The following FOXA3 variants were observed in gnomAD, a reference collection of about 807,000 sequenced individuals.
The protein encoded by FOXA3 is forkhead box A3.
FOXA3 carries 11 observed loss-of-function variants against 16.9 expected under a neutral mutation model. The ratio of observed to expected loss-of-function variants is 0.65; its 90% CI spans 0.41 to 1.08. FOXA3 has a LOEUF of 1.08. Among genes scored for constraint, FOXA3 ranks in the 50% least tolerant of loss-of-function variants. FOXA3 has a pLI of 0.00. For missense variants in FOXA3, 423 were observed against 470.1 expected (o/e 0.90, Z 0.93); for synonymous variants, 217 against 203.3 (o/e 1.07, Z -0.57).
chr19:45,868,035 G>T (rs575828915), intron 1 of FOXA3, among the ~76,000 whole-genome samples: 6 of 151,982 alleles, frequency 3.9e-5, no homozygotes, highest in African/African-American at 1.4e-4. Flanking sequence ...AAACAATGCG[G>T]GGGTGGGGAG....
intron 1 of FOXA3, among the ~76,000 whole-genome samples, chr19:45,870,231 A>G (rs1275857621): frequency 7.0e-6 from 1 of 143,776 alleles, no homozygotes; most frequent in Non-Finnish European, 1.5e-5. Flanking sequence ...GTGCAGTGGC[A>G]TGATCTCAGC....
chr19:45,871,521 T>TCAAGACCAGCCCGGCCAA (rs1383642843), intron 1 of FOXA3, among the ~76,000 whole-genome samples: 3 of 142,792 alleles, frequency 2.1e-5, no homozygotes, highest in Non-Finnish European at 4.5e-5. Context: ...GGTCAGGAGT[T>TCAAGACCAGCCCGGCCAA]CAAGACCAGC....
intron 1 of FOXA3, among the ~76,000 whole-genome samples, chr19:45,868,987 G>A (rs1972110165): frequency 2.0e-5 from 3 of 152,120 alleles, no homozygotes; most frequent in African/African-American, 7.2e-5. Context: ...GGAGGCAGTG[G>A]CACGATCTTG....
rs2146362772 is a variant in FOXA3 at position 45,872,063 on chromosome 19, T to A, written c.70-12T>A. 6.2e-7 allele frequency: 1 copy of A among 1,611,682 alleles called. No individual in the cohort carries two copies. The highest frequency in any genetic ancestry group is 1.3e-5 in the African/African-American group (1 of 74,922). On this transcript the variant is annotated splice_polypyrimidine_tract_variant and intron_variant, in intron 1 of 1. Coordinates refer to ENST00000302177, the MANE Select transcript of FOXA3 (RefSeq NM_004497.3). The surrounding 1 kb of genome is among the most constrained non-coding windows in gnomAD (Gnocchi z 4.5). ...GGAGCCCCACTGACCCCTCCTTTCA[T>A]CTTTCCCCTAGGTCTACTCGCCGGT...
intron 1 of FOXA3, among the ~76,000 whole-genome samples, chr19:45,866,813 G>A (rs1370332337): frequency 6.6e-6 from 1 of 152,190 alleles, no homozygotes; most frequent in South Asian, 2.1e-4. Context: ...AGCCCCGCAC[G>A]CAGAACACTG....
At chr19:45,867,686 A>G (rs894205775) in intron 1 of FOXA3, among the ~76,000 whole-genome samples, 1 of 148,100 alleles carries the variant, frequency 6.8e-6, no homozygotes, top group Non-Finnish European at 1.5e-5. Context: ...AGGCTGAGAC[A>G]GGAGAATTGC....
chr19:45,872,383 C>G lies in FOXA3; in HGVS notation c.378C>G (p.Ile126Met), dbSNP rs1369578379. The G allele has an allele frequency of 1.2e-6, 2 of 1,614,130 alleles. No homozygotes were observed. Among genetic ancestry groups the G allele is most frequent in the African/African-American group, 2.7e-5 (2 of 74,938 alleles). ...AKPPYSYISL[I>M]TMAIQQAPGK... ...CACCGTATTCCTATATCTCACTCAT[C>G]ACCATGGCCATCCAGCAGGCGCCGG... Residue 126 changes from isoleucine to methionine, a missense_variant, in exon 2 of 2, where the codon ATC (isoleucine) becomes ATG (methionine). This residue lies in a region of FOXA3 where 85 missense variants were observed against 136.9 expected (regional missense o/e 0.62). Coordinates refer to ENST00000302177, the MANE Select transcript of FOXA3 (RefSeq NM_004497.3). The surrounding 1 kb of genome is among the most constrained non-coding windows in gnomAD (Gnocchi z 4.5).
rs1197667733 is a variant in FOXA3, at chr19:45,872,220, C to A, written c.215C>A (p.Ala72Asp). The A allele has an allele frequency of 6.2e-7, 1 of 1,602,720 alleles. No individual in the cohort carries two copies. The highest frequency in any genetic ancestry group is 1.1e-5 in the South Asian group (1 of 90,028). The change falls in exon 2 of 2, where the codon GCC (alanine) becomes GAC (aspartate). Residue 72 changes from alanine (A) to aspartate (D), a missense_variant. Physicochemically the swap from Ala to Asp is moderately radical, Grantham distance 126 (BLOSUM62 -2). Transcript: ENST00000302177. This position sits in a 1 kb window ranked among gnomAD's most constrained non-coding sequence, Gnocchi z 4.5. ...SGPLAPPAPA[A>D]PLGPTFPGLG... ...CCCCTGGCACCCCCAGCACCTGCAG[C>A]CCCCCTGGGGCCCACTTTCCCAGGC...
At chr19:45,867,173 C>G (rs1972091896) in intron 1 of FOXA3, among the ~76,000 whole-genome samples, 1 of 152,084 alleles carries the variant, frequency 6.6e-6, no homozygotes, top group African/African-American at 2.4e-5. Flanking sequence ...GTCTGTCTTA[C>G]TCTGCAATAC....
chr19:45,864,441 G>A lies in FOXA3; in HGVS notation c.-16G>A. The A allele has an allele frequency of 1.4e-6, 2 of 1,436,160 alleles. No individual in the cohort carries two copies. The highest frequency in any genetic ancestry group is 1.4e-5 in the South Asian group (1 of 69,506). The allele number at this position is 1,436,160 out of a possible 1,614,324, so 89.0% of individuals were successfully genotyped here. The stretch of plus-strand genomic sequence containing the variant: ...CGGGGCCGGAGCGGGGGCGGGTGGG[G>A]GCGTAAGCCCGGGGGATGCTGGGCT... On this transcript the variant is annotated 5_prime_UTR_variant, in exon 1 of 2. Coordinates refer to ENST00000302177, the MANE Select transcript of FOXA3 (RefSeq NM_004497.3).
At position 45,872,251 on chromosome 19, in the gene FOXA3, T is replaced by C. The variant is rs922948791; in HGVS notation, c.246T>C (p.Gly82=). The C allele has an allele frequency of 1.2e-6, 2 of 1,609,502 alleles. No homozygotes were observed. The highest frequency in any genetic ancestry group is 1.7e-4 in the Middle Eastern group (1 of 6,028). The change falls in exon 2 of 2, where the codon GGT becomes GGC. Residue 82 remains glycine, a synonymous_variant. Transcript: ENST00000302177. The surrounding 1 kb of genome is among the most constrained non-coding windows in gnomAD (Gnocchi z 4.5). The part of the protein sequence containing the change: ...APLGPTFPGL[G]VSGGSSSSGY... ...TGGGGCCCACTTTCCCAGGCCTGGG[T>C]GTCAGCGGTGGCAGCAGCAGCTCCG...
rs1444890389 is a variant in FOXA3 at position 45,872,639 on chromosome 19, C to T, written c.634C>T (p.Arg212Cys). 2.5e-6 allele frequency: 4 copies of T among 1,613,810 alleles called. No homozygotes were observed. The highest frequency in any genetic ancestry group is 2.2e-5 in the East Asian group (1 of 44,890). Reference protein sequence around the residue: ...ENGCYLRRQKRFKLEEKVKKG... With the variant: ...ENGCYLRRQKCFKLEEKVKKG... ...TGGCTGCTACCTGCGCCGCCAGAAA[C>T]GCTTCAAGCTGGAGGAGAAGGTGAA... The change falls in exon 2 of 2, where the codon CGC becomes TGC. Residue 212 changes from arginine (R) to cysteine (C), a missense_variant. Coordinates refer to ENST00000302177, the MANE Select transcript of FOXA3 (RefSeq NM_004497.3). This position sits in a 1 kb window ranked among gnomAD's most constrained non-coding sequence, Gnocchi z 4.5.
rs1405157152 is a variant in FOXA3, at chr19:45,864,400, G to A, written c.-57G>A. 1 of 1,328,406 alleles carries A rather than the reference G, an allele frequency of 7.5e-7. No individual in the cohort carries two copies. Among genetic ancestry groups the A allele is most frequent in the Admixed American group, 3.2e-5 (1 of 31,650 alleles). 82.3% of individuals were successfully genotyped at this position (1,328,406 alleles called of 1,614,324 possible). On this transcript the variant is annotated 5_prime_UTR_variant, in exon 1 of 2. Coordinates refer to ENST00000302177, the MANE Select transcript of FOXA3 (RefSeq NM_004497.3). Reference sequence around the variant, plus strand: ...CGGGCCGTGCCCGCTGAGAGATCCAGAGCGCTCCGTTCCCCCGGGGCCGGA... The same window carrying A: ...CGGGCCGTGCCCGCTGAGAGATCCAAAGCGCTCCGTTCCCCCGGGGCCGGA...
intron 1 of FOXA3, among the ~76,000 whole-genome samples, chr19:45,868,903 G>A (rs944306108): frequency 6.6e-6 from 1 of 152,158 alleles, no homozygotes. Flanking sequence ...ATTTCTGTCT[G>A]TCTTAGTCAC....
Position 45,872,410 on chromosome 19 carries a change from C to A in FOXA3, c.405C>A (p.Gly135=). Residue 135 remains glycine (G), a synonymous_variant, in exon 2 of 2, where the codon GGC becomes GGA. Transcript: ENST00000302177. The surrounding 1 kb of genome is among the most constrained non-coding windows in gnomAD (Gnocchi z 4.5). ...CCATGGCCATCCAGCAGGCGCCGGG[C>A]AAGATGCTGACCTTGAGTGAAATCT... ...LITMAIQQAP[G]KMLTLSEIYQ... The A allele has an allele frequency of 6.2e-7, 1 of 1,614,220 alleles. No individual in the cohort carries two copies. Among genetic ancestry groups the A allele is most frequent in the African/African-American group, 1.3e-5 (1 of 75,058 alleles).
At chr19:45,871,961 G>T in intron 1 of FOXA3, 114 bp from the exon 2 acceptor site, 2 of 1,051,954 alleles carry the variant, frequency 1.9e-6, no homozygotes, top group Non-Finnish European at 1.4e-6. Context: ...ATGATGGAAG[G>T]GATTTGTAGA....
At chr19:45,867,414 GAGAT>G (rs10682335) in intron 1 of FOXA3, among the ~76,000 whole-genome samples, 16,742 of 143,490 alleles carry the variant, frequency 0.12, 1,016 homozygotes, top group East Asian at 0.23. Flanking sequence ...TGAAGGGAGG[GAGAT>G]AGATAGATAG....
intron 1 of FOXA3, among the ~76,000 whole-genome samples, chr19:45,868,391 C>T (rs1383059935): frequency 2.0e-5 from 3 of 152,032 alleles, no homozygotes; most frequent in African/African-American, 7.3e-5. Flanking sequence ...ACTAGCCTGA[C>T]CAACATGGTG....
rs1465796797 is a variant in FOXA3 at position 45,872,647 on chromosome 19, G to A, written c.642G>A (p.Lys214=). 6.2e-7 allele frequency: 1 copy of A among 1,613,636 alleles called. No homozygotes were observed. The highest frequency in any genetic ancestry group is 1.1e-5 in the South Asian group (1 of 91,058). The part of the protein sequence containing the change: ...GCYLRRQKRF[K]LEEKVKKGGS... Reference sequence around the variant, plus strand: ...ACCTGCGCCGCCAGAAACGCTTCAAGCTGGAGGAGAAGGTGAAAAAAGGGG... The same window carrying A: ...ACCTGCGCCGCCAGAAACGCTTCAAACTGGAGGAGAAGGTGAAAAAAGGGG... The change falls in exon 2 of 2, where the codon AAG becomes AAA. Residue 214 remains lysine, a synonymous_variant. Transcript: ENST00000302177. This position sits in a 1 kb window ranked among gnomAD's most constrained non-coding sequence, Gnocchi z 4.5.
Sources: allele counts gnomAD v4.1 joint callset (sites outside exome capture counted in the v4.1 genomes callset), GRCh38; gene constraint gnomAD v4.1.1; regional missense constraint gnomAD v4.1.1; non-coding constraint Gnocchi (gnomAD v3.1); transcripts MANE v1.5; gene names NCBI Gene and HGNC (gene_info 2026-07-23, HGNC 2026-07-21).